FRMD5: variants seen among roughly 807,000 people sequenced by gnomAD.
FRMD5 encodes the protein FERM domain containing 5, also known as FERM domain-containing protein 5.
FRMD5 carries 20 observed loss-of-function variants against 69.0 expected under a neutral mutation model. The observed-to-expected ratio is 0.29, with a 90% CI of 0.20 to 0.42. The LOEUF (loss-of-function observed/expected upper bound fraction) is 0.42. Ranked by LOEUF, FRMD5 falls within the 10% of genes least tolerant of loss-of-function variation. The probability of loss-of-function intolerance (pLI) is 1.00; values close to 1 mark genes in which losing one functional copy is unlikely to be tolerated. For missense variants in FRMD5, 595 were observed against 708.6 expected (o/e 0.84, Z 1.82); for synonymous variants, 271 against 260.1 (o/e 1.04, Z -0.40).
At chr15:44,139,150 A>G (rs1226261537) in intron 1 of FRMD5, among the ~76,000 whole-genome samples, 1 of 152,208 alleles carries the variant, frequency 6.6e-6, no homozygotes, top group Non-Finnish European at 1.5e-5. Context: ...CATTTTAAAA[A>G]GCGGAACTAG....
At chr15:43,906,351 C>T (rs1034471927) in intron 5 of FRMD5, among the ~76,000 whole-genome samples, 3 of 152,246 alleles carry the variant, frequency 2.0e-5, no homozygotes, top group Non-Finnish European at 4.4e-5. Flanking sequence ...GGGAGATCCT[C>T]TTGGGCCTCA....
chr15:44,075,738 A>G (rs1376864290), intron 1 of FRMD5, among the ~76,000 whole-genome samples: 2 of 152,182 alleles, frequency 1.3e-5, no homozygotes, highest in Admixed American at 6.5e-5. Flanking sequence ...TAAAAACCAA[A>G]AAACTATCCA....
chr15:44,050,804 C>A (rs553989948), intron 1 of FRMD5, among the ~76,000 whole-genome samples: 5 of 151,656 alleles, frequency 3.3e-5, no homozygotes, highest in African/African-American at 1.2e-4. Flanking sequence ...ATTACAGGTG[C>A]GCACCACCAC....
intron 1 of FRMD5, among the ~76,000 whole-genome samples, chr15:43,945,350 AT>A (rs200438189): frequency 2.6e-5 from 4 of 151,964 alleles, no homozygotes; most frequent in South Asian, 2.1e-4. Context: ...TAAAAATGTC[AT>A]TTTTTTTAAA....
intron 1 of FRMD5, among the ~76,000 whole-genome samples, chr15:43,968,590 G>C (rs1414820538): frequency 6.6e-6 from 1 of 152,048 alleles, no homozygotes; most frequent in Non-Finnish European, 1.5e-5. Context: ...TGTACATAAG[G>C]TGCTTGCAGC....
At chr15:44,025,680 A>G (rs1034876811) in intron 1 of FRMD5, among the ~76,000 whole-genome samples, 1 of 152,160 alleles carries the variant, frequency 6.6e-6, no homozygotes, top group Non-Finnish European at 1.5e-5. Flanking sequence ...CTGTGGAAGA[A>G]TTAGAGCTGG....
intron 1 of FRMD5, among the ~76,000 whole-genome samples, chr15:44,043,319 G>C (rs1892283458): frequency 6.6e-6 from 1 of 152,146 alleles, no homozygotes; most frequent in Admixed American, 6.6e-5. Context: ...TGGATAGGAA[G>C]AATCAGTATC....
At chr15:43,902,461 A>G (rs1317389931) in intron 6 of FRMD5, among the ~76,000 whole-genome samples, 199 bp from the exon 7 acceptor site, 1 of 152,156 alleles carries the variant, frequency 6.6e-6, no homozygotes, top group African/African-American at 2.4e-5. Flanking sequence ...AGAGTGAGGC[A>G]GGCTACATAA....
At chr15:44,141,685 G>A (rs569717879) in intron 1 of FRMD5, among the ~76,000 whole-genome samples, 67 of 152,228 alleles carry the variant, frequency 4.4e-4, no homozygotes, top group African/African-American at 1.5e-3. Flanking sequence ...TCTCCTGAAG[G>A]GCACTCTGTA....
At chr15:44,016,608 A>ATGT (rs1890969185) in intron 1 of FRMD5, among the ~76,000 whole-genome samples, 1 of 152,128 alleles carries the variant, frequency 6.6e-6, no homozygotes, top group East Asian at 1.9e-4. Flanking sequence ...ATGTAGTCCC[A>ATGT]GCTACTTGGG....
intron 1 of FRMD5, among the ~76,000 whole-genome samples, chr15:44,087,775 TCATCATCATCATC>T (rs1894264276): frequency 1.3e-5 from 2 of 150,858 alleles, no homozygotes; most frequent in Non-Finnish European, 2.9e-5. Context: ...ATCATCATCA[TCATCATCATCATC>T]CCAGGCATTG....
intron 1 of FRMD5, among the ~76,000 whole-genome samples, chr15:44,178,024 C>A (rs1450998652): frequency 1.3e-5 from 2 of 152,170 alleles, no homozygotes; most frequent in Non-Finnish European, 2.9e-5. Context: ...CCCAATAAAT[C>A]TGACTTATAA....
In FRMD5 at chr15:43,873,250, A is replaced by AAAG. The variant is rs780189434; in HGVS notation, c.*632_*634dup. ...GCTCAGATTTGAAAAAACAAAAGGAAAAGAAAATCCAACTCAGACCATCAT... is the reference window on the plus strand; with the variant it reads ...GCTCAGATTTGAAAAAACAAAAGGAAAAGAAGAAAATCCAACTCAGACCATCAT... On this transcript the variant is annotated 3_prime_UTR_variant, in exon 14 of 14. Transcript: ENST00000417257. 6 of 1,548,992 alleles carry AAAG rather than the reference A, an allele frequency of 3.9e-6. No homozygotes were observed. Among genetic ancestry groups the AAAG allele is most frequent in the East Asian group, 4.9e-5 (2 of 40,918 alleles).
intron 1 of FRMD5, among the ~76,000 whole-genome samples, chr15:44,148,922 T>C (rs1216324875): frequency 6.6e-6 from 1 of 152,206 alleles, no homozygotes; most frequent in African/African-American, 2.4e-5. Context: ...AACAATGATT[T>C]GTAACTCCAG....
intron 7 of FRMD5, among the ~76,000 whole-genome samples, chr15:43,893,901 T>C (rs1278287766): frequency 6.6e-6 from 1 of 152,212 alleles, no homozygotes; most frequent in East Asian, 1.9e-4. Flanking sequence ...GTTACAAGTA[T>C]GAGCATCTGG....
At chr15:44,135,462 G>T (rs965554907) in intron 1 of FRMD5, among the ~76,000 whole-genome samples, 1 of 151,968 alleles carries the variant, frequency 6.6e-6, no homozygotes, top group Non-Finnish European at 1.5e-5. Flanking sequence ...ATGTTTTATT[G>T]CCTAATTATT....
At chr15:44,033,606 A>G (rs2140291569) in intron 1 of FRMD5, among the ~76,000 whole-genome samples, 1 of 152,318 alleles carries the variant, frequency 6.6e-6, no homozygotes, top group African/African-American at 2.4e-5. Context: ...AGATTTTTGT[A>G]CAGAGAATTA....
At chr15:43,988,277 G>A (rs1172621073) in intron 1 of FRMD5, among the ~76,000 whole-genome samples, 1 of 151,622 alleles carries the variant, frequency 6.6e-6, no homozygotes, top group Non-Finnish European at 1.5e-5. Context: ...CTAATACAGA[G>A]CAAGGTCTCC....
At chr15:43,934,050 C>G (rs895670143) in intron 1 of FRMD5, among the ~76,000 whole-genome samples, 8 of 152,214 alleles carry the variant, frequency 5.3e-5, no homozygotes, top group Non-Finnish European at 7.3e-5. Flanking sequence ...CTCCCTACAT[C>G]TACGCTCCTT....
Sources: allele counts gnomAD v4.1 joint callset (sites outside exome capture counted in the v4.1 genomes callset), GRCh38; gene constraint gnomAD v4.1.1; transcripts MANE v1.5; gene names NCBI Gene and HGNC (gene_info 2026-07-23, HGNC 2026-07-21).